Variants in CDK17 observed in about 807,000 individuals in gnomAD.
The protein encoded by CDK17 is cyclin dependent kinase 17.
In CDK17, 24 loss-of-function variants were observed where a neutral mutation model predicts 77.6. The observed-to-expected ratio is 0.31, with a 90% CI of 0.22 to 0.44. The LOEUF (loss-of-function observed/expected upper bound fraction) is 0.44, where lower values mean the gene tolerates loss of function less well. Among genes scored for constraint, CDK17 ranks in the 20% least tolerant of loss-of-function variants. The pLI, the probability that CDK17 is intolerant of heterozygous loss-of-function variation, is 1.00. For synonymous variants in CDK17, 203 were observed against 210.4 expected, an observed-to-expected ratio of 0.96 and a Z score of 0.30; for missense variants, 429 against 622.5, an observed-to-expected ratio of 0.69 and a Z score of 3.31.
At chr12:96,387,377 A>C (rs1953993000) in intron 1 of CDK17, among the ~76,000 whole-genome samples, 4 of 152,320 alleles carry the variant, frequency 2.6e-5, no homozygotes, top group Admixed American at 2.6e-4. Flanking sequence ...GAATTGTCTG[A>C]AACATTAAAA....
chr12:96,287,921 GAC>G (rs1952267616), intron 11 of CDK17, among the ~76,000 whole-genome samples: 1 of 152,088 alleles, frequency 6.6e-6, no homozygotes, highest in Non-Finnish European at 1.5e-5. Flanking sequence ...GTCATGAAAA[GAC>G]ACACACTGCA....
At chr12:96,341,811 G>A (rs1283533592) in intron 1 of CDK17, among the ~76,000 whole-genome samples, 1 of 152,046 alleles carries the variant, frequency 6.6e-6, no homozygotes, top group Non-Finnish European at 1.5e-5. Flanking sequence ...TTATAGTGTG[G>A]TTTTCTCAGC....
chr12:96,336,553 G>A (rs746022782), intron 1 of CDK17, among the ~76,000 whole-genome samples: 5 of 152,118 alleles, frequency 3.3e-5, no homozygotes, highest in South Asian at 2.1e-4. Flanking sequence ...CAAGAGTTGC[G>A]ACTGCACTTT....
intron 1 of CDK17, among the ~76,000 whole-genome samples, chr12:96,391,678 A>G (rs1236319521): frequency 6.6e-6 from 1 of 152,184 alleles, no homozygotes; most frequent in Non-Finnish European, 1.5e-5. Flanking sequence ...TTTACATATT[A>G]ACATTATAAT....
At chr12:96,280,616 C>A in intron 16 of CDK17, 192 bp downstream of exon 16, 1 of 1,414,402 alleles carries the variant, frequency 7.1e-7, no homozygotes, top group Non-Finnish European at 9.2e-7. Flanking sequence ...TCAGATTTTT[C>A]TCTGAAGATT....
At chr12:96,297,518 T>A in intron 8 of CDK17, 109 bp downstream of exon 8, 1 of 854,582 alleles carries the variant, frequency 1.2e-6, no homozygotes, top group South Asian at 1.5e-5. Context: ...AAGTCCAATT[T>A]AGCTAAGCAC....
At chr12:96,334,645 TA>T in intron 2 of CDK17, 73 bp downstream of exon 2, 5 of 807,964 alleles carry the variant, frequency 6.2e-6, no homozygotes, top group Non-Finnish European at 1.0e-5. Context: ...TGAACTTATC[TA>T]AAAAGTAAAT....
chr12:96,329,183 T>C (rs181487209), intron 2 of CDK17, among the ~76,000 whole-genome samples: 4 of 152,180 alleles, frequency 2.6e-5, no homozygotes, highest in African/African-American at 9.6e-5. Context: ...AGAGTTTCAG[T>C]TTGGGATGAT....
At chr12:96,365,301 C>T (rs992610398) in intron 1 of CDK17, among the ~76,000 whole-genome samples, 6 of 152,098 alleles carry the variant, frequency 3.9e-5, no homozygotes, top group African/African-American at 1.4e-4. Context: ...AGAGTCTTTA[C>T]ATCCATCATT....
intron 1 of CDK17, among the ~76,000 whole-genome samples, chr12:96,352,495 G>A (rs938346202): frequency 2.6e-5 from 4 of 152,178 alleles, no homozygotes; most frequent in African/African-American, 9.7e-5. Flanking sequence ...AAAGGCTGGG[G>A]TGGGCTATAA....
Position 96,283,598 on chromosome 12 carries a change from C to T in CDK17, c.1365+5G>A. 1 of 1,579,368 alleles carries T rather than the reference C, an allele frequency of 6.3e-7. No homozygotes were observed. On this transcript the variant is annotated splice_donor_5th_base_variant and intron_variant, in intron 14 of 16. Transcript: ENST00000261211. ...ATTTAACAATTACTGTAAGAACTGA[C>T]TTACCTGAAGAAATTTTGTTATCAA...
chr12:96,350,357 A>G (rs571596940), intron 1 of CDK17, among the ~76,000 whole-genome samples: 4 of 152,144 alleles, frequency 2.6e-5, no homozygotes, highest in African/African-American at 9.6e-5. Context: ...AAAAAAAAAA[A>G]AAAAGCAAGA....
intron 7 of CDK17, among the ~76,000 whole-genome samples, chr12:96,298,564 TTTTAA>T (rs1215266729): frequency 6.6e-6 from 1 of 152,204 alleles, no homozygotes; most frequent in Non-Finnish European, 1.5e-5. Context: ...ACACACTGTT[TTTTAA>T]TTTATTTAGT....
chr12:96,352,497 G>A (rs139073047), intron 1 of CDK17, among the ~76,000 whole-genome samples: 3 of 152,250 alleles, frequency 2.0e-5, no homozygotes, highest in East Asian at 3.9e-4. Flanking sequence ...AGGCTGGGGT[G>A]GGCTATAAAG....
At chr12:96,356,086 A>G (rs1400189397) in intron 1 of CDK17, among the ~76,000 whole-genome samples, 1 of 152,202 alleles carries the variant, frequency 6.6e-6, no homozygotes, top group Non-Finnish European at 1.5e-5. Flanking sequence ...TTAAGGGCAA[A>G]AAGATAAAAT....
At chr12:96,385,539 T>C (rs926569042) in intron 1 of CDK17, among the ~76,000 whole-genome samples, 1 of 151,880 alleles carries the variant, frequency 6.6e-6, no homozygotes, top group Non-Finnish European at 1.5e-5. Context: ...TAAAACAAAA[T>C]AATGAAAAAT....
intron 16 of CDK17, 91 bp downstream of exon 16, chr12:96,280,717 C>A: frequency 6.4e-7 from 1 of 1,550,564 alleles, no homozygotes; most frequent in South Asian, 1.2e-5. Context: ...GTTTTTACAT[C>A]AATAATTTTA....
At chr12:96,342,809 T>C (rs1292366615) in intron 1 of CDK17, among the ~76,000 whole-genome samples, 8 of 151,002 alleles carry the variant, frequency 5.3e-5, no homozygotes, top group African/African-American at 2.0e-4. Context: ...ACTAAAAATA[T>C]AAAATTAGCT....
intron 1 of CDK17, among the ~76,000 whole-genome samples, chr12:96,372,503 C>T (rs1953710856): frequency 6.6e-6 from 1 of 152,066 alleles, no homozygotes; most frequent in East Asian, 1.9e-4. Flanking sequence ...GTTCACATAC[C>T]AATCCTAACA....
Sources: allele counts gnomAD v4.1 joint callset (sites outside exome capture counted in the v4.1 genomes callset), GRCh38; gene constraint gnomAD v4.1.1; transcripts MANE v1.5; gene names NCBI Gene and HGNC (gene_info 2026-07-23, HGNC 2026-07-21).